The following CCDC85A variants were observed in gnomAD, a reference collection of about 807,000 sequenced individuals.
CCDC85A encodes the protein coiled-coil domain containing 85A, also known as coiled-coil domain-containing protein 85A.
In CCDC85A, 38 loss-of-function variants were observed where a neutral mutation model predicts 50.2. The ratio of observed to expected loss-of-function variants is 0.76; its 90% confidence interval spans 0.58 to 0.99. The LOEUF (loss-of-function observed/expected upper bound fraction) is 0.99, where lower values mean the gene tolerates loss of function less well. Among genes scored for constraint, CCDC85A ranks in the 50% least tolerant of loss-of-function variants. The probability of loss-of-function intolerance (pLI) is 0.00; values close to 1 mark genes in which losing one functional copy is unlikely to be tolerated. For missense variants in CCDC85A, 820 were observed against 742.0 expected (o/e 1.11, Z -1.22); for synonymous variants, 366 against 301.4 (o/e 1.21, Z -2.22).
chr2:56,362,104 A>G (rs888250509), intron 3 of CCDC85A, among the ~76,000 whole-genome samples: 1 of 152,186 alleles, frequency 6.6e-6, no homozygotes, highest in African/African-American at 2.4e-5. Context: ...GGGCACTGAC[A>G]GCCCCAGAAG....
In CCDC85A at chr2:56,385,193, A is replaced by T. The variant is rs1486053712; in HGVS notation, c.*838A>T. ...AAACATAATTTTTCTAAGTGTTTCG[A>T]GCTGTGAGATGTCAATTTCTACAAT... On this transcript the variant is annotated 3_prime_UTR_variant, in exon 6 of 6. Coordinates refer to ENST00000407595, the MANE Select transcript of CCDC85A (RefSeq NM_001080433.2). The T allele has an allele frequency of 6.6e-6, 1 of 152,234 alleles. No homozygotes were observed. The highest frequency in any genetic ancestry group is 1.5e-5 in the Non-Finnish European group (1 of 67,848). 9.4% of individuals were successfully genotyped at this position (152,234 alleles called of 1,614,324 possible). A position where few individuals can be genotyped will look rare whatever the true frequency, so the allele number is the denominator to read the frequency against.
rs72923470 is a variant in CCDC85A, at chr2:56,269,102, G to A, written c.1241-73777G>A. Among the ~76,000 whole-genome samples, 246 of 152,066 alleles carry A rather than the reference G, an allele frequency of 1.6e-3. 1 individual carries two copies. Among genetic ancestry groups the A allele is most frequent in the African/African-American group, 5.6e-3 (232 of 41,448 alleles). ...TCATCCCTTCTTGGTGCTGAATAAC[G>A]TAGGCCACATTTATTTTACATTCTC... On this transcript the variant is annotated intron_variant, in intron 2 of 5. Coordinates refer to ENST00000407595, the MANE Select transcript of CCDC85A (RefSeq NM_001080433.2).
intron 2 of CCDC85A, among the ~76,000 whole-genome samples, chr2:56,341,143 C>T (rs527963929): frequency 2.9e-4 from 44 of 152,208 alleles, no homozygotes; most frequent in African/African-American, 9.6e-4. Flanking sequence ...GATGTATGCA[C>T]GCTCACTTGA....
At chr2:56,201,079 CACACA>C (rs771184423) in intron 2 of CCDC85A, among the ~76,000 whole-genome samples, 26,228 of 137,846 alleles carry the variant, frequency 0.19, 2,701 homozygotes, top group East Asian at 0.36. Context: ...TCTCTCTCCA[CACACA>C]CACACACACA....
intron 2 of CCDC85A, among the ~76,000 whole-genome samples, chr2:56,263,793 CT>C (rs1325915723): frequency 6.6e-6 from 1 of 152,174 alleles, no homozygotes; most frequent in Non-Finnish European, 1.5e-5. Context: ...TCCCAGACTT[CT>C]TTGCTTATTT....
chr2:56,372,347 A>G lies in CCDC85A; in HGVS notation c.1321A>G (p.Ser441Gly). The G allele has an allele frequency of 6.3e-7, 1 of 1,574,938 alleles. No homozygotes were observed. The highest frequency in any genetic ancestry group is 1.2e-5 in the South Asian group (1 of 85,630). The change falls in exon 4 of 6, where the codon AGC becomes GGC. Residue 441 changes from serine to glycine, a missense_variant. Physicochemically the swap from Ser to Gly is moderately conservative, Grantham distance 56. Coordinates refer to ENST00000407595, the MANE Select transcript of CCDC85A (RefSeq NM_001080433.2). ...ACCATATTGTTCCAAATATAAGGCC[A>G]GCCAGAATAGAAGGCAACCTCCAAC... is the stretch of plus-strand genomic sequence containing the variant. The part of the protein sequence containing the change: ...EEENRMLPQA[S>G]QNRRQPPTRN...
intron 2 of CCDC85A, among the ~76,000 whole-genome samples, chr2:56,278,188 A>G (rs370225400): frequency 1.8e-4 from 28 of 152,054 alleles, no homozygotes; most frequent in African/African-American, 5.8e-4. Flanking sequence ...TGGATCCTCT[A>G]TATTGGTTTG....
chr2:56,294,007 T>A (rs1157142101), intron 2 of CCDC85A, among the ~76,000 whole-genome samples: 1 of 152,228 alleles, frequency 6.6e-6, no homozygotes, highest in Admixed American at 6.5e-5. Context: ...CATATACACT[T>A]ATGTTTATTG....
intron 2 of CCDC85A, among the ~76,000 whole-genome samples, chr2:56,255,905 A>G (rs964539720): frequency 4.6e-5 from 7 of 152,186 alleles, no homozygotes; most frequent in Admixed American, 3.3e-4. Flanking sequence ...AACATTGGTA[A>G]CAAGGAGTCA....
intron 2 of CCDC85A, among the ~76,000 whole-genome samples, chr2:56,322,674 G>A (rs1199335694): frequency 6.6e-6 from 1 of 152,142 alleles, no homozygotes; most frequent in Admixed American, 6.6e-5. Context: ...GGAGAAATAG[G>A]AACACTTTTA....
chr2:56,281,033 T>C (rs577973828), intron 2 of CCDC85A, among the ~76,000 whole-genome samples: 1 of 152,308 alleles, frequency 6.6e-6, no homozygotes, highest in South Asian at 2.1e-4. Context: ...ACGTAACCAA[T>C]ACTTAAATAA....
intron 5 of CCDC85A, among the ~76,000 whole-genome samples, chr2:56,379,535 C>T (rs1319734042): frequency 2.0e-5 from 3 of 152,118 alleles, no homozygotes; most frequent in Non-Finnish European, 4.4e-5. Context: ...CAATGGATTG[C>T]TTTTAATGGC....
rs529938670 is a variant in CCDC85A, at chr2:56,369,918, C to G, written c.1318-2426C>G. Among the ~76,000 whole-genome samples, 14 of 152,200 alleles carry G rather than the reference C, an allele frequency of 9.2e-5. 1 individual carries two copies. The highest frequency in any genetic ancestry group is 4.6e-4 in the Admixed American group (7 of 15,280). ...AAACTATTGACTAGTACAGTTATAG[C>G]GAAACTTAAAGAGACTCAGTGATTC... On this transcript the variant is annotated intron_variant, in intron 3 of 5. Transcript: ENST00000407595.
At chr2:56,234,241 T>C (rs1668901091) in intron 2 of CCDC85A, among the ~76,000 whole-genome samples, 1 of 152,232 alleles carries the variant, frequency 6.6e-6, no homozygotes. Flanking sequence ...TGCTTCTCTT[T>C]TGACAGGCAT....
chr2:56,318,696 T>G (rs1558638574), intron 2 of CCDC85A, among the ~76,000 whole-genome samples: 1 of 152,128 alleles, frequency 6.6e-6, no homozygotes, highest in Non-Finnish European at 1.5e-5. Context: ...TTGAACAAAT[T>G]TTGTGTGCAC....
intron 2 of CCDC85A, among the ~76,000 whole-genome samples, chr2:56,303,331 A>G (rs767059747): frequency 6.6e-6 from 1 of 151,990 alleles, no homozygotes; most frequent in Non-Finnish European, 1.5e-5. Context: ...ATAGTCAAAA[A>G]GACATAATAC....
rs536413476 is a variant in CCDC85A at position 56,382,807 on chromosome 2, G to A, written c.1573-1459G>A. 2.0e-5 allele frequency among the ~76,000 whole-genome samples: 3 copies of A among 152,106 alleles called. No individual in the cohort carries two copies. In the East Asian group the frequency reaches 5.8e-4, roughly 29 times the overall value. ...TGCACTTTTGAGTTGTAACCAGCTA[G>A]TGCTGGTGTCTGTTATCCGTGTAAG... On this transcript the variant is annotated intron_variant, in intron 5 of 5. Transcript: ENST00000407595.
chr2:56,378,813 G>A (rs546423466), intron 5 of CCDC85A, among the ~76,000 whole-genome samples: 4 of 152,302 alleles, frequency 2.6e-5, no homozygotes, highest in South Asian at 2.1e-4. Flanking sequence ...AGCATTGTCC[G>A]TGATGACAGT....
chr2:56,245,451 A>G (rs2103976670), intron 2 of CCDC85A, among the ~76,000 whole-genome samples: 1 of 152,354 alleles, frequency 6.6e-6, no homozygotes, highest in East Asian at 1.9e-4. Flanking sequence ...TCAGCAATTC[A>G]AGACTATCTT....
Sources: gnomAD v4.1 joint callset for allele counts (sites outside exome capture counted in the v4.1 genomes callset) on GRCh38, gnomAD v4.1.1 for gene constraint, MANE v1.5 for transcripts, NCBI Gene and HGNC (gene_info 2026-07-23, HGNC 2026-07-21) for gene names.